Variants in USP37 observed in about 807,000 individuals in gnomAD.
The protein encoded by USP37 is ubiquitin carboxyl-terminal hydrolase 37.
Under a neutral mutation model 124.0 loss-of-function variants are expected in USP37, and 27 were observed. The observed-to-expected ratio is 0.22, with a 90% confidence interval of 0.16 to 0.30. USP37 has a LOEUF of 0.30. USP37 is among the 10% of genes least tolerant of loss of function. The probability of loss-of-function intolerance (pLI) is 1.00; values close to 1 mark genes in which losing one functional copy is unlikely to be tolerated. For synonymous variants in USP37, 365 were observed against 388.0 expected (o/e 0.94, Z 0.70); for missense variants, 889 against 1,140.4 (o/e 0.78, Z 3.17).
At chr2:218,460,530 T>G (rs1470747604) in intron 22 of USP37, among the ~76,000 whole-genome samples, 1 of 152,194 alleles carries the variant, frequency 6.6e-6, no homozygotes, top group African/African-American at 2.4e-5. Flanking sequence ...TTTCACTAAA[T>G]TCTATATGAT....
intron 20 of USP37, among the ~76,000 whole-genome samples, chr2:218,468,108 C>G (rs1442365731): frequency 6.7e-6 from 1 of 149,708 alleles, no homozygotes; most frequent in African/African-American, 2.5e-5. Flanking sequence ...AGGCTGGTCT[C>G]GAACTCCTGA....
At chr2:218,474,954 A>G in intron 19 of USP37, 69 bp from the exon 20 acceptor site, 1 of 1,480,924 alleles carries the variant, frequency 6.8e-7, no homozygotes, top group Non-Finnish European at 9.0e-7. Flanking sequence ...ATTAGTATTT[A>G]AAGTAGCAAC....
chr2:218,528,841 A>AAAAAAAAAAAAT, intron 10 of USP37: 1 of 353,342 alleles, frequency 2.8e-6, no homozygotes, highest in African/African-American at 2.8e-5. Context: ...AAAAAAAAAA[A>AAAAAAAAAAAAT]GAGCTTATCT....
intron 20 of USP37, among the ~76,000 whole-genome samples, chr2:218,471,113 CG>C (rs1321840392): frequency 6.6e-6 from 1 of 152,174 alleles, no homozygotes; most frequent in East Asian, 1.9e-4. Flanking sequence ...GGAAAGTCCA[CG>C]GAACACAGTT....
intron 22 of USP37, among the ~76,000 whole-genome samples, chr2:218,460,700 T>C (rs1381077110): frequency 6.6e-6 from 1 of 152,138 alleles, no homozygotes; most frequent in Admixed American, 6.6e-5. Context: ...CTCAGCACTT[T>C]GGGAGGCTGA....
intron 8 of USP37, among the ~76,000 whole-genome samples, chr2:218,544,422 T>TAGAGGG (rs1262801588): frequency 1.8e-5 from 1 of 56,334 alleles, no homozygotes; most frequent in Non-Finnish European, 3.0e-5. Flanking sequence ...TATATATATA[T>TAGAGGG]ATATATATAG....
At chr2:218,517,494 T>C (rs1437332169) in intron 10 of USP37, among the ~76,000 whole-genome samples, 6 of 152,214 alleles carry the variant, frequency 3.9e-5, no homozygotes, top group African/African-American at 1.4e-4. Flanking sequence ...CTATAGGATA[T>C]TTTCACAGCA....
chr2:218,464,754 A>G (rs1365636707), intron 21 of USP37, among the ~76,000 whole-genome samples: 2 of 152,232 alleles, frequency 1.3e-5, no homozygotes, highest in Non-Finnish European at 1.5e-5. Flanking sequence ...CAAATGGCAT[A>G]AACTGAACAT....
At chr2:218,505,977 C>T (rs1159592146) in intron 11 of USP37, among the ~76,000 whole-genome samples, 4 of 151,798 alleles carry the variant, frequency 2.6e-5, no homozygotes, top group Admixed American at 2.6e-4. Context: ...AAGCCTCTTG[C>T]CTCAGTCCCC....
intron 23 of USP37, among the ~76,000 whole-genome samples, chr2:218,458,849 T>C (rs1689847259): frequency 6.6e-6 from 1 of 152,074 alleles, no homozygotes; most frequent in African/African-American, 2.4e-5. Context: ...GGAAAATCCC[T>C]TGAGCCCAGG....
At chr2:218,505,238 C>T (rs1320233379) in intron 11 of USP37, among the ~76,000 whole-genome samples, 1 of 151,984 alleles carries the variant, frequency 6.6e-6, no homozygotes, top group African/African-American at 2.4e-5. Context: ...AGGCTGGTCT[C>T]GAACTCCTGA....
At chr2:218,561,366 T>G (rs1344616827) in intron 2 of USP37, among the ~76,000 whole-genome samples, 1 of 152,170 alleles carries the variant, frequency 6.6e-6, no homozygotes, top group Non-Finnish European at 1.5e-5. Context: ...CCATCAATTC[T>G]GCCTCCACAG....
At chr2:218,511,201 G>A (rs931069778) in intron 10 of USP37, among the ~76,000 whole-genome samples, 4 of 151,756 alleles carry the variant, frequency 2.6e-5, no homozygotes, top group Admixed American at 6.6e-5. Context: ...GTGCAGTGGC[G>A]TGATCTCGAC....
At position 218,563,013 on chromosome 2, in the gene USP37, A is replaced by G. The variant is rs754059636; in HGVS notation, c.-229-200T>C. Among the ~76,000 whole-genome samples the G allele has an allele frequency of 2.8e-4, 42 of 152,050 alleles. 1 individual carries two copies. The highest frequency in any genetic ancestry group is 8.9e-4 in the African/African-American group (37 of 41,412). On this transcript the variant is annotated intron_variant, in intron 1 of 25. Transcript: ENST00000258399. Reference sequence around the variant, plus strand: ...ACCCCGTCTCTACTAAAAATACAAAATTAGCTGGGCGTGGCAGTGCATGTC... The same window carrying G: ...ACCCCGTCTCTACTAAAAATACAAAGTTAGCTGGGCGTGGCAGTGCATGTC...
intron 4 of USP37, among the ~76,000 whole-genome samples, chr2:218,556,733 G>T (rs922965042): frequency 2.6e-5 from 4 of 151,996 alleles, no homozygotes; most frequent in African/African-American, 9.7e-5. Context: ...GGCTGGTCTC[G>T]AACTCCTGAC....
Position 218,495,961 on chromosome 2 carries a change from A to G in USP37, c.1282-11T>C. 6.2e-7 allele frequency: 1 copy of G among 1,603,710 alleles called. No homozygotes were observed. Among genetic ancestry groups the G allele is most frequent in the East Asian group, 2.2e-5 (1 of 44,834 alleles). On this transcript the variant is annotated splice_polypyrimidine_tract_variant and intron_variant, in intron 13 of 25. Transcript: ENST00000258399. ...AAATTCATGAGCATCCTAATAAGACAACAATATCCTTAATCAGATAAAAAC... is the reference window on the plus strand; with the variant it reads ...AAATTCATGAGCATCCTAATAAGACGACAATATCCTTAATCAGATAAAAAC...
At chr2:218,467,537 C>T (rs1366513143) in intron 20 of USP37, among the ~76,000 whole-genome samples, 1 of 151,972 alleles carries the variant, frequency 6.6e-6, no homozygotes, top group Non-Finnish European at 1.5e-5. Context: ...TTAGTAGAGA[C>T]GGGGTTTCAC....
rs1182951455 is a variant in USP37 at position 218,451,622 on chromosome 2, G to C, written c.*3308C>G. ...TAGTTACATAATGGTAACTACACAC[G>C]ATACAGAAGAATCAGTAAATTCATG... On this transcript the variant is annotated 3_prime_UTR_variant, in exon 26 of 26. Coordinates refer to ENST00000258399, the MANE Select transcript of USP37 (RefSeq NM_020935.3). The C allele has an allele frequency of 6.6e-6, 1 of 151,902 alleles. No individual in the cohort carries two copies. Among genetic ancestry groups the C allele is most frequent in the Non-Finnish European group, 1.5e-5 (1 of 68,012 alleles). 9.4% of individuals were successfully genotyped at this position (151,902 alleles called of 1,614,324 possible).
In USP37 at chr2:218,547,107, T is replaced by C. The variant is rs368432219; in HGVS notation, c.430-16A>G. ...TTGCAGAAGCCTGTAAAAATAAAGT[T>C]TGAGATAGTTAAATCTTCAAATTAA... On this transcript the variant is annotated splice_polypyrimidine_tract_variant and intron_variant, in intron 6 of 25. Transcript: ENST00000258399. The C allele has an allele frequency of 7.6e-6, 12 of 1,579,746 alleles. No homozygotes were observed. The highest frequency in any genetic ancestry group is 1.0e-5 in the Non-Finnish European group (12 of 1,169,278).
Sources: gnomAD v4.1 joint callset for allele counts (sites outside exome capture counted in the v4.1 genomes callset) on GRCh38, gnomAD v4.1.1 for gene constraint, MANE v1.5 for transcripts, NCBI Gene and HGNC (gene_info 2026-07-23, HGNC 2026-07-21) for gene names.